NUP188: variants seen among roughly 807,000 people sequenced by gnomAD.
The protein encoded by NUP188 is nucleoporin 188.
Under a neutral mutation model 223.0 loss-of-function variants are expected in NUP188, and 97 were observed. The observed-to-expected ratio is 0.43, with a 90% CI of 0.37 to 0.51. NUP188 has a LOEUF of 0.51. Among genes scored for constraint, NUP188 ranks in the 20% least tolerant of loss-of-function variants. The pLI, the probability that NUP188 is intolerant of heterozygous loss-of-function variation, is 0.00. For missense variants in NUP188, 1,947 were observed against 2,175.6 expected (o/e 0.89, Z 2.09); for synonymous variants, 869 against 828.0 (o/e 1.05, Z -0.85).
intron 23 of NUP188, 115 bp downstream of exon 23, chr9:128,987,832 A>T: frequency 7.1e-7 from 1 of 1,407,682 alleles, no homozygotes; most frequent in Non-Finnish European, 9.7e-7. Context: ...TGTTCTTCCT[A>T]GGACATAGCC....
At position 128,994,385 on chromosome 9, in the gene NUP188, G is replaced by C. The variant is rs372695570; in HGVS notation, c.3030G>C (p.Trp1010Cys). 1.2e-5 allele frequency: 20 copies of C among 1,612,590 alleles called. No homozygotes were observed. The highest frequency in any genetic ancestry group is 8.5e-7 in the Non-Finnish European group (1 of 1,178,818). The change falls in exon 28 of 44, where the codon TGG (tryptophan) becomes TGC (cysteine). Residue 1010 changes from tryptophan (W) to cysteine (C), a missense_variant. This residue lies in a region of NUP188 where 905 missense variants were observed against 990.6 expected (regional missense o/e 0.91). Transcript: ENST00000372577. ...MLVLRTKPKF[W>C]ENLTSPLFGT... ...ATTTCCTTTTTAGACCCAAGTTTTGGGAAAATTTAACCAGTCCGCTGTTTG... is the reference window on the plus strand; with the variant it reads ...ATTTCCTTTTTAGACCCAAGTTTTGCGAAAATTTAACCAGTCCGCTGTTTG...
chr9:128,981,404 A>T lies in NUP188; in HGVS notation c.1516+14A>T, dbSNP rs1490201149. 1.3e-6 allele frequency: 2 copies of T among 1,582,158 alleles called. No individual in the cohort carries two copies. The highest frequency in any genetic ancestry group is 1.4e-5 in the African/African-American group (1 of 72,114). ...TTTATCCCCTTGGTGAGATAAAGAG[A>T]TCCCCCTTTTATGACAGCTTTTTTT... On this transcript the variant is annotated intron_variant, in intron 15 of 43. Transcript: ENST00000372577.
At chr9:128,949,946 AG>A (rs1016459146) in intron 2 of NUP188, among the ~76,000 whole-genome samples, 6 of 76,178 alleles carry the variant, frequency 7.9e-5, no homozygotes, top group African/African-American at 2.6e-4. Flanking sequence ...TTTTTTTTTG[AG>A]GGGGGTGTCT....
chr9:128,967,273 G>T (rs543949907), intron 8 of NUP188, among the ~76,000 whole-genome samples: 2 of 152,140 alleles, frequency 1.3e-5, no homozygotes, highest in African/African-American at 4.8e-5. Flanking sequence ...GCCTCCCAAA[G>T]TATTCAAGTA....
chr9:128,967,992 T>C (rs943490670), intron 8 of NUP188, among the ~76,000 whole-genome samples: 2 of 152,142 alleles, frequency 1.3e-5, no homozygotes, highest in African/African-American at 4.8e-5. Context: ...CTGGGCACAG[T>C]GGCTTACGCC....
intron 8 of NUP188, among the ~76,000 whole-genome samples, chr9:128,964,957 C>T (rs921096628): frequency 7.9e-5 from 12 of 151,962 alleles, no homozygotes; most frequent in African/African-American, 9.7e-5. Flanking sequence ...CCACCCGTCT[C>T]GGCCTCCCAG....
At chr9:129,003,607 C>T (rs762176312) in intron 38 of NUP188, 153 bp downstream of exon 38, 49 of 899,602 alleles carry the variant, frequency 5.4e-5, no homozygotes, top group Admixed American at 1.5e-4. Context: ...CATGTGCTTA[C>T]TCTGGCTAAA....
intron 12 of NUP188, among the ~76,000 whole-genome samples, chr9:128,975,180 C>T (rs183841957): frequency 2.6e-4 from 39 of 150,992 alleles, no homozygotes; most frequent in Admixed American, 2.1e-3. Context: ...TTATTTTCTC[C>T]GTTGCTTACT....
In NUP188 at chr9:128,980,855, A is replaced by G. The variant is rs560698847; in HGVS notation, c.1389+130A>G. The G allele has an allele frequency of 1.3e-5, 11 of 848,830 alleles. No homozygotes were observed. The African/African-American group carries it at 1.7e-4, about 13-fold the overall frequency. The allele number at this position is 848,830 out of a possible 1,614,324, so 52.6% of individuals were successfully genotyped here. ...AAGTTTGTCTGAAGGTGAATGAAAGATACCAAAGATAGCACCTCAATTCTA... is the reference window on the plus strand; with the variant it reads ...AAGTTTGTCTGAAGGTGAATGAAAGGTACCAAAGATAGCACCTCAATTCTA... On this transcript the variant is annotated intron_variant, in intron 14 of 43. Transcript: ENST00000372577.
At chr9:128,990,332 A>G (rs1842398526) in intron 25 of NUP188, 106 bp downstream of exon 25, 4 of 899,178 alleles carry the variant, frequency 4.4e-6, no homozygotes, top group South Asian at 4.1e-5. Context: ...ACGCCTGTAT[A>G]TAATTCCAGC....
At chr9:128,978,360 G>A (rs1196350710) in intron 12 of NUP188, among the ~76,000 whole-genome samples, 9 of 151,936 alleles carry the variant, frequency 5.9e-5, no homozygotes, top group Middle Eastern at 3.4e-3. Context: ...TCAGGAGATC[G>A]AGACCATCCT....
rs762077299 is a variant in NUP188, at chr9:129,005,353, GCCA to G, written c.4563_4565del (p.Pro1522del). ...CAGCTGTTGCCCAGCGAGTCCAGAG[GCCA>G]CCGTCTGCTGCTTCTGCTGCCCCCT... is the stretch of plus-strand genomic sequence containing the variant. On this transcript the variant is annotated inframe_deletion, in exon 40 of 44. Coordinates refer to ENST00000372577, the MANE Select transcript of NUP188 (RefSeq NM_015354.3). 109 of 1,613,794 alleles carry G rather than the reference GCCA, an allele frequency of 6.8e-5. No homozygotes were observed. Among genetic ancestry groups the G allele is most frequent in the Non-Finnish European group, 8.3e-5 (98 of 1,180,044 alleles).
intron 29 of NUP188, 178 bp downstream of exon 29, chr9:128,995,101 CAGAA>C (rs1588288658): frequency 7.8e-6 from 5 of 639,542 alleles, no homozygotes; most frequent in Admixed American, 5.6e-5. Context: ...TTATGATTGT[CAGAA>C]AGAGTTATTG....
chr9:128,983,228 ATGTT>A, intron 17 of NUP188, 61 bp from the exon 18 acceptor site: 7 of 1,488,048 alleles, frequency 4.7e-6, no homozygotes, highest in Admixed American at 3.3e-5. Flanking sequence ...AAGTGGAAAA[ATGTT>A]TGTGAGGGAA....
intron 4 of NUP188, 119 bp downstream of exon 4, chr9:128,956,553 A>T (rs1444231255): frequency 1.7e-6 from 1 of 576,976 alleles, no homozygotes; most frequent in Non-Finnish European, 3.0e-6. Flanking sequence ...TTGTTTTATA[A>T]ATACCCAGGT....
rs559764326 is a variant in NUP188 at position 129,001,654 on chromosome 9, C to G, written c.3969C>G (p.Ser1323Arg). 18 of 1,614,040 alleles carry G rather than the reference C, an allele frequency of 1.1e-5. No individual in the cohort carries two copies. In the Admixed American group the frequency reaches 2.5e-4, roughly 22 times the overall value. Reference sequence around the variant, plus strand: ...CCCTCCTCACCACTCTAGAGGTGAGCCTTCGCATGAAGCAGAACCTGCATT... The same window carrying G: ...CCCTCCTCACCACTCTAGAGGTGAGGCTTCGCATGAAGCAGAACCTGCATT... ...LPTLLTTLEV[S>R]LRMKQNLHFT... The change falls in exon 35 of 44, where the codon AGC (serine) becomes AGG (arginine). Residue 1323 changes from serine to arginine, a missense_variant. Transcript: ENST00000372577.
At chr9:128,987,983 G>A in intron 23 of NUP188, 64 bp from the exon 24 acceptor site, 1 of 1,537,512 alleles carries the variant, frequency 6.5e-7, no homozygotes, top group Non-Finnish European at 9.0e-7. Flanking sequence ...ATTCATGAGA[G>A]CACATATATT....
chr9:128,957,766 G>A (rs962707953), intron 5 of NUP188, among the ~76,000 whole-genome samples: 1 of 152,114 alleles, frequency 6.6e-6, no homozygotes, highest in African/African-American at 2.4e-5. Flanking sequence ...ACCCGGCCAG[G>A]ATTTGGTAGA....
chr9:128,990,379 C>T (rs967137756), intron 25 of NUP188, among the ~76,000 whole-genome samples, 153 bp downstream of exon 25: 3 of 151,520 alleles, frequency 2.0e-5, no homozygotes, highest in Non-Finnish European at 1.5e-5. Context: ...CATTTGAGCC[C>T]AGGAGTTCAA....
Sources: gnomAD v4.1 joint callset for allele counts (sites outside exome capture counted in the v4.1 genomes callset) on GRCh38, gnomAD v4.1.1 for gene constraint, gnomAD v4.1.1 regional missense constraint, MANE v1.5 for transcripts, NCBI Gene and HGNC (gene_info 2026-07-23, HGNC 2026-07-21) for gene names.